ACTR10: variants seen among roughly 807,000 people sequenced by gnomAD.
ACTR10 encodes the protein actin related protein 10, also known as actin-related protein 10.
A neutral mutation model predicts 56.2 loss-of-function variants in ACTR10; 43 were observed. That is an observed-to-expected ratio of 0.77 (90% confidence interval 0.60 to 0.99). ACTR10 has a LOEUF of 0.99. Ranked by LOEUF, ACTR10 falls within the 50% of genes least tolerant of loss-of-function variation. The probability of loss-of-function intolerance (pLI) is 0.00; values close to 1 mark genes in which losing one functional copy is unlikely to be tolerated. For missense variants in ACTR10, 466 were observed against 507.8 expected, an observed-to-expected ratio of 0.92 and a Z score of 0.79; for synonymous variants, 170 against 176.3, an observed-to-expected ratio of 0.96 and a Z score of 0.28.
At chr14:58,225,734 G>T in intron 10 of ACTR10, among the ~76,000 whole-genome samples, 1 of 149,324 alleles carries the variant, frequency 6.7e-6, no homozygotes, top group African/African-American at 2.5e-5. Context: ...TTCTTGAGAC[G>T]GAATTTTTGC....
chr14:58,220,387 A>G (rs7148528), intron 8 of ACTR10, among the ~76,000 whole-genome samples: 1,674 of 152,198 alleles, frequency 0.011, 25 homozygotes, highest in African/African-American at 0.038. Flanking sequence ...GTGTCACACA[A>G]GTAGGTAGGG....
chr14:58,234,356 T>C lies in ACTR10; in HGVS notation c.1073-14T>C, dbSNP rs574867440. The C allele has an allele frequency of 9.2e-6, 14 of 1,527,824 alleles. No individual in the cohort carries two copies. In the East Asian group the frequency reaches 2.1e-4, roughly 23 times the overall value. The allele number at this position is 1,527,824 out of a possible 1,614,324, so 94.6% of individuals were successfully genotyped here. On this transcript the variant is annotated splice_polypyrimidine_tract_variant and intron_variant, in intron 12 of 12. Coordinates refer to ENST00000254286, the MANE Select transcript of ACTR10 (RefSeq NM_018477.3). The stretch of plus-strand genomic sequence containing the variant: ...GTTTTCATCTTAGCTATAAAAAATA[T>C]TTTTGTCACACAGGGGCTATTTTTG...
chr14:58,228,807 A>T (rs1475501401), intron 10 of ACTR10, among the ~76,000 whole-genome samples: 1 of 146,374 alleles, frequency 6.8e-6, no homozygotes, highest in Non-Finnish European at 1.5e-5. Context: ...GCCTCCTGAA[A>T]TGCTGGGATT....
chr14:58,213,733 C>T (rs1889059016), intron 6 of ACTR10, 35 bp downstream of exon 6: 4 of 1,532,480 alleles, frequency 2.6e-6, no homozygotes, highest in Non-Finnish European at 3.6e-6. Flanking sequence ...TTCATTTCAC[C>T]TGTGCCACAA....
intron 8 of ACTR10, among the ~76,000 whole-genome samples, chr14:58,220,828 C>A (rs1283382196): frequency 6.6e-6 from 1 of 152,086 alleles, no homozygotes; most frequent in African/African-American, 2.4e-5. Context: ...AGTGTTGTAT[C>A]CCATCTAAAA....
intron 11 of ACTR10, 27 bp from the exon 12 acceptor site, chr14:58,232,039 T>A (rs746283823): frequency 2.0e-6 from 3 of 1,529,696 alleles, no homozygotes; most frequent in Non-Finnish European, 1.8e-6. Context: ...TCAGAATAAA[T>A]CCTTCTTTTT....
At chr14:58,203,640 A>G (rs1462857468) in intron 2 of ACTR10, among the ~76,000 whole-genome samples, 1 of 152,152 alleles carries the variant, frequency 6.6e-6, no homozygotes, top group African/African-American at 2.4e-5. Flanking sequence ...AAATACTTTT[A>G]TAAGTCTTAT....
intron 8 of ACTR10, among the ~76,000 whole-genome samples, chr14:58,222,033 T>C (rs1889286511): frequency 6.6e-6 from 1 of 152,206 alleles, no homozygotes; most frequent in Non-Finnish European, 1.5e-5. Flanking sequence ...CTGTCTAGCA[T>C]AGTAGCATAT....
At position 58,232,107 on chromosome 14, in the gene ACTR10, A is replaced by G. The variant is rs1419654614; in HGVS notation, c.912A>G (p.Val304=). The G allele has an allele frequency of 6.2e-7, 1 of 1,613,908 alleles. No individual in the cohort carries two copies. The change falls in exon 12 of 13, where the codon GTA becomes GTG. Residue 304 remains valine, a synonymous_variant. Transcript: ENST00000254286. ...DTRKQLAENL[V]VIGGTSMLPG... ...GGAAGCAACTAGCAGAGAATTTGGT[A>G]GTCATAGGTGGCACTTCTATGTTGC...
intron 2 of ACTR10, among the ~76,000 whole-genome samples, chr14:58,206,604 T>G (rs771589371): frequency 9.8e-5 from 15 of 152,336 alleles, no homozygotes; most frequent in Non-Finnish European, 1.9e-4. Flanking sequence ...GTACTTCTTT[T>G]GAAAGAGTAA....
chr14:58,204,596 C>A (rs1412096535), intron 2 of ACTR10, among the ~76,000 whole-genome samples: 1 of 152,070 alleles, frequency 6.6e-6, no homozygotes. Context: ...AAAATGTTAG[C>A]CAGTGGGTTC....
rs1212771997 is a variant in ACTR10, at chr14:58,232,144, C to T, written c.949C>T (p.His317Tyr). ...CACTTCTATGTTGCCAGGATTTCTC[C>T]ACAGATTGCTTGCAGAAATAAGGTA... ...GGTSMLPGFL[H>Y]RLLAEIRYLV... The change falls in exon 12 of 13, where the codon CAC (histidine) becomes TAC (tyrosine). Residue 317 changes from histidine (H) to tyrosine (Y), a missense_variant. By Grantham distance (83) the His-to-Tyr change is moderately conservative. Coordinates refer to ENST00000254286, the MANE Select transcript of ACTR10 (RefSeq NM_018477.3). The T allele has an allele frequency of 1.2e-6, 2 of 1,613,678 alleles. No homozygotes were observed. Among genetic ancestry groups the T allele is most frequent in the Non-Finnish European group, 1.7e-6 (2 of 1,179,922 alleles).
intron 10 of ACTR10, among the ~76,000 whole-genome samples, chr14:58,225,919 C>T (rs1889385643): frequency 6.6e-6 from 1 of 152,050 alleles, no homozygotes; most frequent in Non-Finnish European, 1.5e-5. Context: ...ACCATGTTGG[C>T]AAGGCTGGTC....
chr14:58,207,434 C>T (rs1245245020), intron 2 of ACTR10, among the ~76,000 whole-genome samples: 1 of 152,012 alleles, frequency 6.6e-6, no homozygotes, highest in African/African-American at 2.4e-5. Context: ...AAGTGATTCT[C>T]CTGCCTCAGT....
intron 2 of ACTR10, among the ~76,000 whole-genome samples, chr14:58,204,751 A>C (rs1408823818): frequency 6.6e-6 from 1 of 152,100 alleles, no homozygotes; most frequent in African/African-American, 2.4e-5. Flanking sequence ...TTTTCTTATG[A>C]ATAGATCTGA....
intron 8 of ACTR10, 65 bp from the exon 9 acceptor site, chr14:58,223,557 G>A: frequency 7.8e-6 from 10 of 1,276,756 alleles, no homozygotes; most frequent in South Asian, 1.3e-5. Context: ...TTTAACTGGG[G>A]TGTAGGTACA....
chr14:58,218,509 A>T (rs2140054273), intron 7 of ACTR10, among the ~76,000 whole-genome samples: 1 of 152,270 alleles, frequency 6.6e-6, no homozygotes, highest in South Asian at 2.1e-4. Flanking sequence ...TAAAATAATA[A>T]ATAATTCTAA....
chr14:58,208,612 A>C lies in ACTR10; in HGVS notation c.234-387A>C, dbSNP rs548505862. ...CTCACATCTGTAGTACCAGCTACTC[A>C]GGAGGTTGAGATCAGGGGATGGCTT... is the stretch of plus-strand genomic sequence containing the variant. On this transcript the variant is annotated intron_variant, in intron 3 of 12. Transcript: ENST00000254286. Among the ~76,000 whole-genome samples, 202 of 152,092 alleles carry C rather than the reference A, an allele frequency of 1.3e-3. 3 individuals carry two copies. Among genetic ancestry groups the C allele is most frequent in the African/African-American group, 4.2e-3 (176 of 41,476 alleles).
In ACTR10 at chr14:58,215,070, C is replaced by G. The variant is rs1889100265; in HGVS notation, c.519-135C>G. On this transcript the variant is annotated intron_variant, in intron 6 of 12. Coordinates refer to ENST00000254286, the MANE Select transcript of ACTR10 (RefSeq NM_018477.3). ...GCAGTGAACTGGGATTGCGCCACTT[C>G]ACTCCAGCCTGGGCAACAGAGTAAG... is the stretch of plus-strand genomic sequence containing the variant. The G allele has an allele frequency of 9.5e-6, 5 of 524,474 alleles. No homozygotes were observed. The Admixed American group carries it at 1.1e-4, about 11-fold the overall frequency. 32.5% of individuals were successfully genotyped at this position (524,474 alleles called of 1,614,324 possible).
Sources: gnomAD v4.1 joint callset for allele counts (sites outside exome capture counted in the v4.1 genomes callset) on GRCh38, gnomAD v4.1.1 for gene constraint, MANE v1.5 for transcripts, NCBI Gene and HGNC (gene_info 2026-07-23, HGNC 2026-07-21) for gene names.